Variants in ATP6V1H observed in about 807,000 individuals in gnomAD.
ATP6V1H encodes the protein ATPase H+ transporting V1 subunit H, also known as V-type proton ATPase subunit H.
Under a neutral mutation model 71.7 loss-of-function variants are expected in ATP6V1H, and 39 were observed. The observed-to-expected ratio is 0.54, with a 90% CI of 0.42 to 0.71. The LOEUF is 0.71. ATP6V1H is among the 30% of genes least tolerant of loss of function. The pLI, the probability that ATP6V1H is intolerant of heterozygous loss-of-function variation, is 0.00. For synonymous variants in ATP6V1H, 192 were observed against 199.3 expected (o/e 0.96, Z 0.31); for missense variants, 509 against 594.9 (o/e 0.86, Z 1.50).
intron 8 of ATP6V1H, among the ~76,000 whole-genome samples, chr8:53,798,308 G>A (rs978816226): frequency 2.0e-5 from 3 of 151,946 alleles, no homozygotes; most frequent in East Asian, 1.9e-4. Context: ...GGTGGATTAC[G>A]AGGTCAGGAG....
chr8:53,831,751 T>A (rs1449893299), intron 3 of ATP6V1H: 2 of 147,576 alleles, frequency 1.4e-5, no homozygotes, highest in Non-Finnish European at 3.0e-5. Context: ...TACACTCTTT[T>A]TTTTTTTTTT....
At chr8:53,785,270 C>A (rs2130378270) in intron 9 of ATP6V1H, among the ~76,000 whole-genome samples, 1 of 152,298 alleles carries the variant, frequency 6.6e-6, no homozygotes, top group African/African-American at 2.4e-5. Context: ...CTTCTCTTAT[C>A]ACTTCATTTC....
chr8:53,759,125 T>A (rs1357235302), intron 11 of ATP6V1H, among the ~76,000 whole-genome samples: 1 of 152,202 alleles, frequency 6.6e-6, no homozygotes, highest in East Asian at 1.9e-4. Context: ...AGATCTCCAT[T>A]AACATTTGAG....
chr8:53,756,245 C>CTTTTTTTT (rs201116200), intron 12 of ATP6V1H: 3 of 130,298 alleles, frequency 2.3e-5, no homozygotes, highest in Non-Finnish European at 3.2e-5. Context: ...TAATTTTTTT[C>CTTTTTTTT]TTTTTTTTTT....
At chr8:53,813,903 G>A (rs942423854) in intron 6 of ATP6V1H, among the ~76,000 whole-genome samples, 1 of 152,200 alleles carries the variant, frequency 6.6e-6, no homozygotes, top group African/African-American at 2.4e-5. Flanking sequence ...GTGGGACAGT[G>A]TCCTTTCACA....
intron 10 of ATP6V1H, among the ~76,000 whole-genome samples, chr8:53,771,099 A>G (rs1190853621): frequency 6.6e-6 from 1 of 152,220 alleles, no homozygotes; most frequent in Admixed American, 6.5e-5. Flanking sequence ...TTTGCAGGGC[A>G]GACGGAACCT....
At chr8:53,758,975 A>C (rs1310277484) in intron 11 of ATP6V1H, among the ~76,000 whole-genome samples, 4 of 152,248 alleles carry the variant, frequency 2.6e-5, no homozygotes, top group African/African-American at 9.6e-5. Context: ...TCAGTGACTT[A>C]AGCCATTCTC....
chr8:53,782,775 C>G (rs1236604715), intron 9 of ATP6V1H, among the ~76,000 whole-genome samples: 1 of 152,002 alleles, frequency 6.6e-6, no homozygotes, highest in African/African-American at 2.4e-5. Context: ...TTGTCAAAGG[C>G]CTTTTCTGCA....
At chr8:53,756,857 A>G (rs961468841) in intron 11 of ATP6V1H, among the ~76,000 whole-genome samples, 4 of 152,232 alleles carry the variant, frequency 2.6e-5, no homozygotes, top group African/African-American at 9.6e-5. Flanking sequence ...CAGATTCACA[A>G]TGTACACCAT....
intron 5 of ATP6V1H, 110 bp from the exon 6 acceptor site, chr8:53,814,876 A>C (rs1810396580): frequency 4.9e-6 from 3 of 612,748 alleles, no homozygotes; most frequent in Non-Finnish European, 8.6e-6. Context: ...CTTAACACTC[A>C]ACCCCTCTAA....
intron 13 of ATP6V1H, among the ~76,000 whole-genome samples, chr8:53,724,870 A>G (rs1225675674): frequency 6.6e-6 from 1 of 151,822 alleles, no homozygotes; most frequent in Non-Finnish European, 1.5e-5. Flanking sequence ...AAAAAAAAAA[A>G]TAACAGCACC....
chr8:53,718,173 A>C (rs563686567), intron 13 of ATP6V1H, among the ~76,000 whole-genome samples: 1 of 152,342 alleles, frequency 6.6e-6, no homozygotes, highest in African/African-American at 2.4e-5. Context: ...AATACTTAGC[A>C]GACAACAAGT....
chr8:53,726,472 A>G lies in ATP6V1H; in HGVS notation c.1392-10448T>C, dbSNP rs527725284. Among the ~76,000 whole-genome samples, 317 of 152,318 alleles carry G rather than the reference A, an allele frequency of 2.1e-3. 3 individuals carry two copies. Among genetic ancestry groups the G allele is most frequent in the African/African-American group, 6.1e-3 (252 of 41,582 alleles). ...TTTTGATTTTGACAGAGATTTCAAC[A>G]AGGTTTCAACAAGATTAAAGTAAAT... On this transcript the variant is annotated intron_variant, in intron 13 of 13. Coordinates refer to ENST00000359530, the MANE Select transcript of ATP6V1H (RefSeq NM_015941.4).
chr8:53,732,677 A>G (rs981281078), intron 13 of ATP6V1H, among the ~76,000 whole-genome samples: 1 of 152,096 alleles, frequency 6.6e-6, no homozygotes, highest in Non-Finnish European at 1.5e-5. Flanking sequence ...AAAAAGAAAA[A>G]AAAAAGTAAC....
chr8:53,735,649 G>A lies in ATP6V1H; in HGVS notation c.1391+7928C>T, dbSNP rs908377200. 5.9e-5 allele frequency among the ~76,000 whole-genome samples: 9 copies of A among 152,116 alleles called. No individual in the cohort carries two copies. In the East Asian group the frequency reaches 1.7e-3, roughly 29 times the overall value. The stretch of plus-strand genomic sequence containing the variant: ...TTAAAAGTAACCTCCAGGAACTAGG[G>A]GAATTAACCTTAAAAAAAGCAAATG... On this transcript the variant is annotated intron_variant, in intron 13 of 13. Coordinates refer to ENST00000359530, the MANE Select transcript of ATP6V1H (RefSeq NM_015941.4).
intron 7 of ATP6V1H, among the ~76,000 whole-genome samples, chr8:53,807,029 C>T (rs1206056193): frequency 2.0e-5 from 3 of 152,190 alleles, no homozygotes; most frequent in Non-Finnish European, 4.4e-5. Flanking sequence ...AACTTCACAA[C>T]TCACCAGCTA....
intron 9 of ATP6V1H, among the ~76,000 whole-genome samples, chr8:53,781,822 G>C (rs1241285349): frequency 1.2e-3 from 183 of 152,048 alleles, no homozygotes; most frequent in African/African-American, 3.7e-3. Flanking sequence ...GCTTGTTTTT[G>C]TCAGGTTTGT....
intron 13 of ATP6V1H, among the ~76,000 whole-genome samples, chr8:53,716,846 G>A (rs767369456): frequency 1.1e-4 from 17 of 152,334 alleles, no homozygotes; most frequent in Non-Finnish European, 2.1e-4. Context: ...GGCACTTGCC[G>A]AAACTTTTGT....
At chr8:53,727,246 T>C (rs943969489) in intron 13 of ATP6V1H, among the ~76,000 whole-genome samples, 1 of 152,204 alleles carries the variant, frequency 6.6e-6, no homozygotes, top group Non-Finnish European at 1.5e-5. Context: ...CTGCATACTT[T>C]TCAGTCCTTC....
Sources: allele counts gnomAD v4.1 joint callset (sites outside exome capture counted in the v4.1 genomes callset), GRCh38; gene constraint gnomAD v4.1.1; transcripts MANE v1.5; gene names NCBI Gene and HGNC (gene_info 2026-07-23, HGNC 2026-07-21).